NRXN1: variants seen among roughly 807,000 people sequenced by gnomAD.
NRXN1 encodes the protein neurexin 1.
NRXN1 carries 39 observed loss-of-function variants against 150.9 expected under a neutral mutation model. The ratio of observed to expected loss-of-function variants is 0.26; its 90% CI spans 0.20 to 0.34. The LOEUF (loss-of-function observed/expected upper bound fraction) is 0.34, where lower values mean the gene tolerates loss of function less well. NRXN1 is among the 10% of genes least tolerant of loss of function. The pLI is 1.00. For missense variants in NRXN1, 1,815 were observed against 1,949.9 expected, an observed-to-expected ratio of 0.93 and a Z score of 1.30; for synonymous variants, 924 against 757.0, an observed-to-expected ratio of 1.22 and a Z score of -3.62.
chr2:50,836,460 A>G (rs1172166444), intron 5 of NRXN1, among the ~76,000 whole-genome samples: 4 of 152,058 alleles, frequency 2.6e-5, no homozygotes, highest in Non-Finnish European at 5.9e-5. Flanking sequence ...TCTTTAATCA[A>G]CATTCCCCTT....
intron 2 of NRXN1, among the ~76,000 whole-genome samples, chr2:51,017,489 G>A (rs1668875694): frequency 7.9e-6 from 1 of 126,268 alleles, no homozygotes; most frequent in African/African-American, 3.0e-5. Flanking sequence ...TACACGTATG[G>A]CCACCACATC....
intron 21 of NRXN1, among the ~76,000 whole-genome samples, chr2:50,042,326 C>T (rs1319370114): frequency 6.6e-6 from 1 of 152,072 alleles, no homozygotes; most frequent in African/African-American, 2.4e-5. Context: ...GAGGTGGTTT[C>T]CCCCATGCTA....
chr2:50,309,833 A>G (rs143838331), intron 17 of NRXN1, among the ~76,000 whole-genome samples: 1 of 151,570 alleles, frequency 6.6e-6, no homozygotes, highest in African/African-American at 2.4e-5. Flanking sequence ...CTGAGAGCCT[A>G]GCGGAAGCAG....
At chr2:50,991,466 C>T (rs1698530659) in intron 2 of NRXN1, among the ~76,000 whole-genome samples, 1 of 151,970 alleles carries the variant, frequency 6.6e-6, no homozygotes. Flanking sequence ...GTATATAATC[C>T]TGATAATCTA....
In NRXN1 at chr2:50,997,735, T is replaced by C. The variant is rs1034288284; in HGVS notation, c.772+29767A>G. 1.6e-4 allele frequency among the ~76,000 whole-genome samples: 22 copies of C among 141,128 alleles called. 3 individuals carry two copies. Among genetic ancestry groups the C allele is most frequent in the African/African-American group, 6.0e-4 (20 of 33,436 alleles). 92.6% of individuals were successfully genotyped at this position (141,128 alleles called of 152,430 possible). On this transcript the variant is annotated intron_variant, in intron 2 of 22. Coordinates refer to ENST00000401669, the MANE Select transcript of NRXN1 (RefSeq NM_001330078.2). ...ATGTTGCCCAGCTGGTCTGGAACTC[T>C]GGGCCTTAAGCAATCCTCCCGCCTC...
intron 2 of NRXN1, chr2:50,979,148 A>G (rs1462163776): frequency 6.9e-6 from 3 of 433,534 alleles, no homozygotes; most frequent in South Asian, 1.8e-5. Context: ...ACCTTGATAT[A>G]GCTAAAACAC....
chr2:50,363,027 T>C (rs966492376), intron 17 of NRXN1, among the ~76,000 whole-genome samples: 1 of 152,340 alleles, frequency 6.6e-6, no homozygotes, highest in African/African-American at 2.4e-5. Context: ...TTGGGGGAAC[T>C]GGCTAGCCAT....
chr2:50,136,685 A>G (rs1005199085), intron 18 of NRXN1, among the ~76,000 whole-genome samples: 3 of 152,244 alleles, frequency 2.0e-5, no homozygotes, highest in Non-Finnish European at 2.9e-5. Flanking sequence ...CTAATCAGGC[A>G]TAACAGCCAT....
At chr2:50,652,226 T>A (rs745498363) in intron 5 of NRXN1, among the ~76,000 whole-genome samples, 6 of 152,100 alleles carry the variant, frequency 3.9e-5, no homozygotes, top group Non-Finnish European at 8.8e-5. Flanking sequence ...CTCCTTTATA[T>A]CTTTTCTGAA....
intron 15 of NRXN1, among the ~76,000 whole-genome samples, chr2:50,473,295 G>C (rs2089693218): frequency 6.6e-6 from 1 of 151,316 alleles, no homozygotes. Flanking sequence ...GGAAGACATT[G>C]CTTAGCTTTG....
chr2:50,653,206 A>G (rs1685897152), intron 5 of NRXN1, among the ~76,000 whole-genome samples: 1 of 152,062 alleles, frequency 6.6e-6, no homozygotes, highest in African/African-American at 2.4e-5. Context: ...AATCTAGCAG[A>G]GTTTATTTGA....
intron 5 of NRXN1, among the ~76,000 whole-genome samples, chr2:50,710,065 A>G (rs1694961059): frequency 6.6e-6 from 1 of 152,208 alleles, no homozygotes; most frequent in South Asian, 2.1e-4. Flanking sequence ...ATGAATAAAC[A>G]AGATTTTCCT....
intron 17 of NRXN1, among the ~76,000 whole-genome samples, chr2:50,455,489 G>A (rs1288490982): frequency 6.6e-6 from 1 of 152,116 alleles, no homozygotes; most frequent in East Asian, 1.9e-4. Flanking sequence ...TCAACACACT[G>A]AAAATGCTTC....
At chr2:50,090,555 T>C (rs762035448) in intron 19 of NRXN1, among the ~76,000 whole-genome samples, 1 of 152,130 alleles carries the variant, frequency 6.6e-6, no homozygotes, top group Non-Finnish European at 1.5e-5. Context: ...AAAAAGCATA[T>C]TTGTTTTAAA....
At chr2:50,557,119 T>C (rs944191085) in intron 8 of NRXN1, among the ~76,000 whole-genome samples, 16 of 152,188 alleles carry the variant, frequency 1.1e-4, no homozygotes, top group Non-Finnish European at 2.2e-4. Flanking sequence ...GGATTATATC[T>C]ACCTAAGTTT....
intron 19 of NRXN1, among the ~76,000 whole-genome samples, chr2:50,077,926 T>G (rs962333): frequency 0.27 from 41,223 of 151,704 alleles, 5,903 homozygotes; most frequent in East Asian, 0.4. Flanking sequence ...CACAGCTGCT[T>G]TTTAACACAG....
chr2:50,988,427 T>C (rs1309724693), intron 2 of NRXN1, among the ~76,000 whole-genome samples: 1 of 151,976 alleles, frequency 6.6e-6, no homozygotes, highest in Non-Finnish European at 1.5e-5. Context: ...CTAGACAGTT[T>C]TGTTTGGACA....
At chr2:50,862,980 A>G (rs575357969) in intron 5 of NRXN1, among the ~76,000 whole-genome samples, 2 of 152,154 alleles carry the variant, frequency 1.3e-5, no homozygotes, top group African/African-American at 4.8e-5. Flanking sequence ...TTTCATATCA[A>G]TGTGATATAG....
At position 50,648,178 on chromosome 2, in the gene NRXN1, A is replaced by C. The variant is rs539567544; in HGVS notation, c.833-24563T>G. Among the ~76,000 whole-genome samples, 4 of 152,068 alleles carry C rather than the reference A, an allele frequency of 2.6e-5. No homozygotes were observed. The South Asian group carries it at 8.3e-4, about 32-fold the overall frequency. ...TCAAACCATATTGGGATCTACAGAG[A>C]CTCAATCGCCAACAACGACATAAGG... On this transcript the variant is annotated intron_variant, in intron 5 of 22. Transcript: ENST00000401669.
Sources: allele counts gnomAD v4.1 joint callset (sites outside exome capture counted in the v4.1 genomes callset), GRCh38; gene constraint gnomAD v4.1.1; transcripts MANE v1.5; gene names NCBI Gene and HGNC (gene_info 2026-07-23, HGNC 2026-07-21).